Variants in RANBP2 observed in about 807,000 individuals in gnomAD.
RANBP2 encodes the protein E3 SUMO-protein ligase RanBP2.
In RANBP2, 57 loss-of-function variants were observed where a neutral mutation model predicts 303.6. That is an observed-to-expected ratio of 0.19 (90% confidence interval 0.15 to 0.23). RANBP2 has a LOEUF of 0.23. Ranked by LOEUF, RANBP2 falls within the 10% of genes least tolerant of loss-of-function variation. The pLI is 1.00. For synonymous variants in RANBP2, 1,167 were observed against 1,301.5 expected, an observed-to-expected ratio of 0.90 and a Z score of 2.23; for missense variants, 3,138 against 3,780.8, an observed-to-expected ratio of 0.83 and a Z score of 4.46.
chr2:108,822,086 C>T, the RANBP2 span, among the ~76,000 whole-genome samples: 2 of 151,970 alleles, frequency 1.3e-5, no homozygotes, highest in East Asian at 1.9e-4. Context: ...TCTAAAGGCA[C>T]GTATCAGCTG....
chr2:109,562,495 T>G, the RANBP2 span, among the ~76,000 whole-genome samples: 1 of 152,012 alleles, frequency 6.6e-6, no homozygotes, highest in Non-Finnish European at 1.5e-5. Flanking sequence ...AGCATTTGGC[T>G]GAGCAGATAG....
At chr2:109,633,541 G>T in the RANBP2 span, among the ~76,000 whole-genome samples, 4 of 152,302 alleles carry the variant, frequency 2.6e-5, no homozygotes, top group Admixed American at 6.5e-5. Context: ...CAAGCCTGAG[G>T]TATCATCAGT....
chr2:109,228,632 A>C, the RANBP2 span, among the ~76,000 whole-genome samples: 1 of 152,142 alleles, frequency 6.6e-6, no homozygotes. Context: ...GTTACCTGGA[A>C]CTTCTGTGTG....
the RANBP2 span, chr2:109,449,276 C>T: frequency 1.2e-6 from 2 of 1,611,150 alleles, no homozygotes; most frequent in Non-Finnish European, 8.5e-7. Context: ...TCAGGCCCCA[C>T]TCGGTGGTGT....
chr2:109,385,582 T>C, the RANBP2 span, among the ~76,000 whole-genome samples: 72,342 of 152,142 alleles, frequency 0.48, 17,332 homozygotes, highest in Middle Eastern at 0.55. Context: ...AGGAGCCTGT[T>C]TGAAATAATC....
the RANBP2 span, among the ~76,000 whole-genome samples, chr2:109,240,798 C>A: frequency 6.6e-6 from 1 of 151,942 alleles, no homozygotes; most frequent in South Asian, 2.1e-4. Flanking sequence ...TGAGGGGTTT[C>A]TCTTCTCTTC....
At chr2:109,090,008 T>C in the RANBP2 span, among the ~76,000 whole-genome samples, 1 of 152,060 alleles carries the variant, frequency 6.6e-6, no homozygotes, top group South Asian at 2.1e-4. Flanking sequence ...TTTTAATAGT[T>C]CTATGCCTTC....
At chr2:109,559,416 C>A in the RANBP2 span, among the ~76,000 whole-genome samples, 6 of 152,130 alleles carry the variant, frequency 3.9e-5, no homozygotes, top group Non-Finnish European at 7.4e-5. Context: ...CCTAAACTTA[C>A]TGAGTTTCTT....
the RANBP2 span, among the ~76,000 whole-genome samples, chr2:109,655,236 T>C: frequency 6.6e-6 from 1 of 152,202 alleles, no homozygotes; most frequent in Non-Finnish European, 1.5e-5. Flanking sequence ...AGATATGTCC[T>C]GCCAGGTGGC....
chr2:109,410,655 A>G, the RANBP2 span, among the ~76,000 whole-genome samples: 2 of 152,246 alleles, frequency 1.3e-5, no homozygotes, highest in Non-Finnish European at 2.9e-5. Flanking sequence ...GGGCCACTGC[A>G]TGTCAGCCAG....
chr2:109,613,290 G>A, the RANBP2 span: 1 of 696,156 alleles, frequency 1.4e-6, no homozygotes, highest in South Asian at 2.2e-5. Flanking sequence ...GTCAAGGCGG[G>A]AAAAAAACGG....
intron 1 of RANBP2, among the ~76,000 whole-genome samples, chr2:108,723,746 C>T (rs1573678720): frequency 6.6e-6 from 1 of 152,012 alleles, no homozygotes; most frequent in Non-Finnish European, 1.5e-5. Context: ...CCTTGTTGTG[C>T]GGTTTTGTTT....
the RANBP2 span, among the ~76,000 whole-genome samples, chr2:108,871,520 C>A: frequency 6.6e-6 from 1 of 152,040 alleles, no homozygotes; most frequent in African/African-American, 2.4e-5. Flanking sequence ...CCACTGCACT[C>A]CAGCCTGGGC....
chr2:108,943,658 C>T, the RANBP2 span, among the ~76,000 whole-genome samples: 1 of 152,126 alleles, frequency 6.6e-6, no homozygotes, highest in Non-Finnish European at 1.5e-5. Flanking sequence ...GCGTATTTTC[C>T]GTGGCCTGGT....
chr2:109,026,696 G>A, the RANBP2 span, among the ~76,000 whole-genome samples: 1 of 152,188 alleles, frequency 6.6e-6, no homozygotes, highest in African/African-American at 2.4e-5. Context: ...AGCTCAAAAT[G>A]ATCTTTTAGA....
chr2:109,624,105 G>T, the RANBP2 span, among the ~76,000 whole-genome samples: 36 of 152,278 alleles, frequency 2.4e-4, no homozygotes, highest in African/African-American at 8.7e-4. Flanking sequence ...CATGGAGGGT[G>T]GCCTGAGGCT....
At chr2:109,251,419 A>G in the RANBP2 span, 2 of 704,738 alleles carry the variant, frequency 2.8e-6, no homozygotes, top group Non-Finnish European at 5.4e-6. Context: ...TGGAGTAGAC[A>G]CCATGAGCAA....
At chr2:109,719,627 G>A in the RANBP2 span, among the ~76,000 whole-genome samples, 1 of 151,302 alleles carries the variant, frequency 6.6e-6, no homozygotes, top group Admixed American at 6.6e-5. Flanking sequence ...GGATGGTCTC[G>A]ATCTCTTGAT....
chr2:109,396,862 G>C, the RANBP2 span, among the ~76,000 whole-genome samples: 1 of 152,246 alleles, frequency 6.6e-6, no homozygotes, highest in Non-Finnish European at 1.5e-5. Flanking sequence ...CGGCTCACAT[G>C]GTCCTTCACT....
Sources: allele counts gnomAD v4.1 joint callset (sites outside exome capture counted in the v4.1 genomes callset), GRCh38; gene constraint gnomAD v4.1.1; transcripts MANE v1.5; gene names NCBI Gene and HGNC (gene_info 2026-07-23, HGNC 2026-07-21).